Variants in REDIC1 observed in about 807,000 individuals in gnomAD.
The protein encoded by REDIC1 is regulator of DNA class I crossover intermediates 1, also known as HEI10 Interacting Protein 1.
At chr12:39,733,978 G>A in the REDIC1 span, among the ~76,000 whole-genome samples, 1 of 152,220 alleles carries the variant, frequency 6.6e-6, no homozygotes, top group Non-Finnish European at 1.5e-5. Context: ...AGCTAGTTTG[G>A]TGTCTGCCCA....
chr12:39,688,260 A>C, the REDIC1 span, among the ~76,000 whole-genome samples: 281 of 152,302 alleles, frequency 1.8e-3, no homozygotes, highest in Non-Finnish European at 3.1e-3. Context: ...GCTTGAATTA[A>C]AGTTTGTTTT....
At chr12:39,700,315 C>T in the REDIC1 span, among the ~76,000 whole-genome samples, 421 of 152,070 alleles carry the variant, frequency 2.8e-3, 1 homozygote, top group African/African-American at 9.5e-3. Context: ...GGAGCCGATG[C>T]GATCAACTGG....
the REDIC1 span, among the ~76,000 whole-genome samples, chr12:39,738,202 A>C: frequency 6.6e-6 from 1 of 152,220 alleles, no homozygotes; most frequent in Non-Finnish European, 1.5e-5. Context: ...TGTTAAGTTG[A>C]AATCACTTGC....
At chr12:39,900,163 G>T in the REDIC1 span, among the ~76,000 whole-genome samples, 24 of 151,758 alleles carry the variant, frequency 1.6e-4, 1 homozygote, top group South Asian at 5.0e-3. Flanking sequence ...AAAACTCTCA[G>T]TAAATTAGGT....
chr12:39,852,035 A>T, the REDIC1 span, among the ~76,000 whole-genome samples: 7 of 151,990 alleles, frequency 4.6e-5, no homozygotes, highest in Non-Finnish European at 1.0e-4. Flanking sequence ...TTTCAGTTGC[A>T]GGGGATTTGT....
At chr12:39,808,284 C>A in the REDIC1 span, among the ~76,000 whole-genome samples, 10 of 152,114 alleles carry the variant, frequency 6.6e-5, no homozygotes, top group Non-Finnish European at 1.3e-4. Context: ...ATCAGTAATT[C>A]CTTCCATCTA....
At chr12:39,728,180 T>C in the REDIC1 span, among the ~76,000 whole-genome samples, 1 of 152,226 alleles carries the variant, frequency 6.6e-6, no homozygotes, top group African/African-American at 2.4e-5. Flanking sequence ...CAATTCTATG[T>C]TGAATAGGAG....
the REDIC1 span, among the ~76,000 whole-genome samples, chr12:39,692,992 G>T: frequency 6.6e-6 from 1 of 152,034 alleles, no homozygotes; most frequent in African/African-American, 2.4e-5. Context: ...ATAGCTCATT[G>T]TAGTTCTAAT....
chr12:39,693,071 C>T, the REDIC1 span, among the ~76,000 whole-genome samples: 1 of 152,048 alleles, frequency 6.6e-6, no homozygotes, highest in East Asian at 1.9e-4. Context: ...GTCATTTGCT[C>T]ATGTTCCTTT....
the REDIC1 span, among the ~76,000 whole-genome samples, chr12:39,800,477 C>T: frequency 6.8e-5 from 9 of 132,596 alleles, no homozygotes; most frequent in African/African-American, 2.6e-4. Flanking sequence ...TTTATGCAGC[C>T]AAAAAACACA....
the REDIC1 span, among the ~76,000 whole-genome samples, chr12:39,731,974 G>T: frequency 3.3e-5 from 5 of 152,000 alleles, no homozygotes; most frequent in African/African-American, 7.3e-5. Flanking sequence ...ACAGAATTCT[G>T]CCAGCTACCT....
chr12:39,642,822 CT>C, the REDIC1 span, among the ~76,000 whole-genome samples: 3 of 151,600 alleles, frequency 2.0e-5, no homozygotes, highest in Non-Finnish European at 4.4e-5. Flanking sequence ...AAGACATTTA[CT>C]TTTTTGTGTG....
At chr12:39,714,354 T>TAC in the REDIC1 span, among the ~76,000 whole-genome samples, 3 of 148,190 alleles carry the variant, frequency 2.0e-5, no homozygotes, top group Non-Finnish European at 3.0e-5. Flanking sequence ...TATATGTATA[T>TAC]GTGTATATAT....
the REDIC1 span, among the ~76,000 whole-genome samples, chr12:39,823,604 C>CTT: frequency 6.8e-6 from 1 of 146,882 alleles, no homozygotes; most frequent in African/African-American, 2.4e-5. Context: ...TAATCTTTAG[C>CTT]CAGGATGATG....
At chr12:39,721,552 G>A in the REDIC1 span, 4,869 of 213,278 alleles carry the variant, frequency 0.023, 79 homozygotes, top group South Asian at 0.04. Context: ...ACAATGATGC[G>A]CTGTTATTTA....
the REDIC1 span, among the ~76,000 whole-genome samples, chr12:39,839,916 T>G: frequency 6.6e-6 from 1 of 152,118 alleles, no homozygotes; most frequent in Non-Finnish European, 1.5e-5. Context: ...TCCTTTTGTG[T>G]CTCCCAATCT....
chr12:39,852,401 C>A, the REDIC1 span, among the ~76,000 whole-genome samples: 11 of 152,118 alleles, frequency 7.2e-5, no homozygotes, highest in African/African-American at 2.7e-4. Context: ...AAAGTGCTTA[C>A]AAAATTCCTG....
At chr12:39,713,768 T>G in the REDIC1 span, among the ~76,000 whole-genome samples, 10 of 149,328 alleles carry the variant, frequency 6.7e-5, no homozygotes, top group African/African-American at 9.8e-5. Context: ...CACGTATATA[T>G]ATATTTGTAC....
chr12:39,726,218 T>G, the REDIC1 span, among the ~76,000 whole-genome samples: 2 of 152,052 alleles, frequency 1.3e-5, no homozygotes, highest in African/African-American at 4.8e-5. Context: ...ATATGCAGGT[T>G]TGTTACATAG....
Sources: gnomAD v4.1 joint callset for allele counts (sites outside exome capture counted in the v4.1 genomes callset) on GRCh38, gnomAD v4.1.1 for gene constraint, MANE v1.5 for transcripts, NCBI Gene and HGNC (gene_info 2026-07-23, HGNC 2026-07-21) for gene names.